The following PLCB4 variants were observed in gnomAD, a reference collection of about 807,000 sequenced individuals.
The protein encoded by PLCB4 is 1-phosphatidylinositol 4,5-bisphosphate phosphodiesterase beta-4.
PLCB4 carries 77 observed loss-of-function variants against 178.8 expected under a neutral mutation model. The ratio of observed to expected loss-of-function variants is 0.43; its 90% CI spans 0.36 to 0.52. The LOEUF (loss-of-function observed/expected upper bound fraction) is 0.52. PLCB4 is among the 20% of genes least tolerant of loss of function. The pLI is 0.00. For synonymous variants in PLCB4, 496 were observed against 490.8 expected, an observed-to-expected ratio of 1.01 and a Z score of -0.14; for missense variants, 1,024 against 1,453.4, an observed-to-expected ratio of 0.70 and a Z score of 4.80.
chr20:9,409,026 C>G, intron 23 of PLCB4, 31 bp from the exon 24 acceptor site: 2 of 1,602,414 alleles, frequency 1.2e-6, no homozygotes, highest in Non-Finnish European at 1.7e-6. Flanking sequence ...CTGTAGGACT[C>G]TTTTTTTCTG....
At chr20:9,120,761 C>T (rs1426031921) in intron 2 of PLCB4, among the ~76,000 whole-genome samples, 1 of 149,682 alleles carries the variant, frequency 6.7e-6, no homozygotes, top group Non-Finnish European at 1.5e-5. Context: ...TGAATAATGT[C>T]AAAATTCCTT....
chr20:9,406,315 G>A (rs1421259087), intron 21 of PLCB4, among the ~76,000 whole-genome samples: 3 of 151,980 alleles, frequency 2.0e-5, no homozygotes, highest in African/African-American at 7.3e-5. Context: ...TGGAAGGAAC[G>A]GACATGGCCG....
At chr20:9,264,908 A>G (rs572655267) in intron 3 of PLCB4, among the ~76,000 whole-genome samples, 2 of 152,204 alleles carry the variant, frequency 1.3e-5, no homozygotes, top group African/African-American at 2.4e-5. Context: ...TCGACCGTTT[A>G]CCAAACAGGT....
At chr20:9,406,491 AT>A (rs113287972) in intron 21 of PLCB4, among the ~76,000 whole-genome samples, 16,457 of 142,450 alleles carry the variant, frequency 0.12, 1,297 homozygotes, top group East Asian at 0.24. Flanking sequence ...CAAATTGACC[AT>A]TTTTTTTTTT....
chr20:9,425,181 T>G (rs7270825), intron 28 of PLCB4, among the ~76,000 whole-genome samples: 6,743 of 152,060 alleles, frequency 0.044, 504 homozygotes, highest in African/African-American at 0.15. Context: ...AGACAAGTGG[T>G]AGGTTTAGGA....
chr20:9,466,484 G>C (rs1009624893), intron 35 of PLCB4, among the ~76,000 whole-genome samples: 1 of 152,160 alleles, frequency 6.6e-6, no homozygotes, highest in Non-Finnish European at 1.5e-5. Flanking sequence ...ACTACCATTA[G>C]AGTGAACAGG....
At chr20:9,104,136 G>A (rs1263194012) in intron 2 of PLCB4, among the ~76,000 whole-genome samples, 1 of 152,150 alleles carries the variant, frequency 6.6e-6, no homozygotes, top group Non-Finnish European at 1.5e-5. Context: ...CATGCCAGAG[G>A]ATCCACTTTT....
At chr20:9,086,740 C>T (rs1392536886) in intron 1 of PLCB4, among the ~76,000 whole-genome samples, 1 of 152,054 alleles carries the variant, frequency 6.6e-6, no homozygotes, top group African/African-American at 2.4e-5. Context: ...GTTGAATGAG[C>T]TCAGATTAGG....
intron 33 of PLCB4, among the ~76,000 whole-genome samples, chr20:9,455,356 G>A (rs894225138): frequency 6.6e-6 from 1 of 152,094 alleles, no homozygotes; most frequent in Non-Finnish European, 1.5e-5. Flanking sequence ...GCACCATAGA[G>A]TAAATTTCTT....
chr20:9,450,573 A>G (rs1450415578), intron 32 of PLCB4, among the ~76,000 whole-genome samples: 4 of 151,444 alleles, frequency 2.6e-5, no homozygotes, highest in African/African-American at 9.7e-5. Flanking sequence ...ATTTTTGCAT[A>G]TGTTTAGTAA....
rs188619403 is a variant in PLCB4 at position 9,249,097 on chromosome 20, C to T, written c.-16+31645C>T. Among the ~76,000 whole-genome samples the T allele has an allele frequency of 1.1e-4, 17 of 152,258 alleles. No individual in the cohort carries two copies. In the East Asian group the frequency reaches 3.3e-3, roughly 29 times the overall value. On this transcript the variant is annotated intron_variant, in intron 3 of 39. Coordinates refer to ENST00000378473, the MANE Select transcript of PLCB4 (RefSeq NM_001377142.1). ...TTTCTTACTCTTACTCTTCCTTTCC[C>T]CCTGTTTAAGGACTTTTGTACCTTT...
chr20:9,394,952 C>A (rs564444838), intron 18 of PLCB4, among the ~76,000 whole-genome samples: 5 of 152,142 alleles, frequency 3.3e-5, no homozygotes, highest in African/African-American at 1.2e-4. Context: ...TCAATAACTC[C>A]TTTTTTGCAT....
chr20:9,283,852 A>G (rs1476258091), intron 3 of PLCB4, among the ~76,000 whole-genome samples: 3 of 151,860 alleles, frequency 2.0e-5, no homozygotes, highest in Non-Finnish European at 2.9e-5. Context: ...TTTCTATTAT[A>G]TTTTTTAATG....
At chr20:9,362,584 A>G (rs1300855443) in intron 7 of PLCB4, among the ~76,000 whole-genome samples, 3 of 152,362 alleles carry the variant, frequency 2.0e-5, no homozygotes, top group Middle Eastern at 3.4e-3. Context: ...CAGCAACTGA[A>G]AAAGGGCTTA....
chr20:9,180,379 TTGA>T (rs1432671916), intron 2 of PLCB4, among the ~76,000 whole-genome samples: 1 of 152,182 alleles, frequency 6.6e-6, no homozygotes, highest in Non-Finnish European at 1.5e-5. Flanking sequence ...AATCAGCCTC[TTGA>T]TGGGGGATTT....
chr20:9,145,698 A>G (rs2092586179), intron 2 of PLCB4, among the ~76,000 whole-genome samples: 1 of 152,066 alleles, frequency 6.6e-6, no homozygotes, highest in Admixed American at 6.6e-5. Context: ...GCACCCAACC[A>G]TGCAATATTC....
At chr20:9,245,277 GA>G (rs1274926706) in intron 3 of PLCB4, among the ~76,000 whole-genome samples, 27 of 152,142 alleles carry the variant, frequency 1.8e-4, no homozygotes, top group Non-Finnish European at 3.8e-4. Flanking sequence ...GGGGAGTGAG[GA>G]AATAGATTCC....
rs201750920 is a variant in PLCB4, at chr20:9,185,586, GTGAC to G, written c.-78-31798_-78-31795del. On this transcript the variant is annotated intron_variant, in intron 2 of 39. Transcript: ENST00000378473. ...GCCTGTTCTGCACTCAGCACCGAAA[GTGAC>G]TGACTAAGTGTAAGTCAGCTCCTGA... 6.2e-3 allele frequency among the ~76,000 whole-genome samples: 943 copies of G among 152,266 alleles called. 5 individuals are homozygous for G. Among genetic ancestry groups the G allele is most frequent in the Middle Eastern group, 0.01 (3 of 294 alleles).
At chr20:9,239,032 T>G (rs1411610919) in intron 3 of PLCB4, among the ~76,000 whole-genome samples, 1 of 152,242 alleles carries the variant, frequency 6.6e-6, no homozygotes. Flanking sequence ...ATTGACTTAC[T>G]TAATGAATAA....
Sources: allele counts gnomAD v4.1 joint callset (sites outside exome capture counted in the v4.1 genomes callset), GRCh38; gene constraint gnomAD v4.1.1; transcripts MANE v1.5; gene names NCBI Gene and HGNC (gene_info 2026-07-23, HGNC 2026-07-21).